Variants in EIF4EBP1 observed in about 807,000 individuals in gnomAD.
EIF4EBP1 encodes the protein eukaryotic translation initiation factor 4E binding protein 1.
A neutral mutation model predicts 9.2 loss-of-function variants in EIF4EBP1; 5 were observed. The ratio of observed to expected loss-of-function variants is 0.54; its 90% CI spans 0.28 to 1.14. The LOEUF is 1.14. EIF4EBP1 is among the 50% of genes most tolerant of loss of function. The pLI is 0.09. For missense variants in EIF4EBP1, 139 were observed against 169.6 expected (o/e 0.82, Z 1.00); for synonymous variants, 62 against 67.0 (o/e 0.93, Z 0.36).
chr8:38,034,423 A>C (rs1809272473), intron 1 of EIF4EBP1, among the ~76,000 whole-genome samples: 1 of 152,168 alleles, frequency 6.6e-6, no homozygotes, highest in Non-Finnish European at 1.5e-5. Flanking sequence ...CAGAGTACTT[A>C]AGATAATTTA....
At chr8:38,037,988 G>A (rs563087098) in intron 1 of EIF4EBP1, among the ~76,000 whole-genome samples, 87 of 150,882 alleles carry the variant, frequency 5.8e-4, no homozygotes, top group African/African-American at 2.1e-3. Context: ...TGCCCAGGCT[G>A]GTCTGGAACT....
chr8:38,056,924 A>G (rs948164169), intron 1 of EIF4EBP1, among the ~76,000 whole-genome samples, 157 bp from the exon 2 acceptor site: 4 of 152,036 alleles, frequency 2.6e-5, no homozygotes, highest in African/African-American at 7.2e-5. Flanking sequence ...TGGTCTCCCA[A>G]AGTGCTGGGA....
At chr8:38,057,389 G>A in intron 2 of EIF4EBP1, 129 bp downstream of exon 2, 1 of 1,147,820 alleles carries the variant, frequency 8.7e-7, no homozygotes, top group Non-Finnish European at 1.2e-6. Context: ...CTAAGGAGCA[G>A]CTCAGAGCCC....
intron 1 of EIF4EBP1, among the ~76,000 whole-genome samples, chr8:38,054,101 G>T (rs1423577574): frequency 6.6e-6 from 1 of 152,158 alleles, no homozygotes. Context: ...TGGCCCCTGG[G>T]CGCTTCTTTG....
At chr8:38,059,462 CTT>C (rs1049617784) in intron 2 of EIF4EBP1, among the ~76,000 whole-genome samples, 1 of 152,128 alleles carries the variant, frequency 6.6e-6, no homozygotes, top group Non-Finnish European at 1.5e-5. Flanking sequence ...AGTTAAACCT[CTT>C]TTCTTGGCTG....
chr8:38,057,009 C>A (rs1809604718), intron 1 of EIF4EBP1, 72 bp from the exon 2 acceptor site: 5 of 1,527,216 alleles, frequency 3.3e-6, no homozygotes, highest in Non-Finnish European at 4.5e-6. Context: ...TGCAGCCACG[C>A]CTTTAAAAAG....
rs140148175 is a variant in EIF4EBP1 at position 38,036,666 on chromosome 8, C to CTTTTTTTTT, written c.145+5950_145+5951insTTTTTTTTT. On this transcript the variant is annotated intron_variant, in intron 1 of 2. Transcript: ENST00000338825. Reference sequence around the variant, plus strand: ...TTAGGAAGGCACAGCAATATTGTTTCTTCTTTTTTTTTTAATTTGAAACAG... The same window carrying CTTTTTTTTT: ...TTAGGAAGGCACAGCAATATTGTTTCTTTTTTTTTTTCTTTTTTTTTTAATTTGAAACAG... Among the ~76,000 whole-genome samples, 640 of 150,984 alleles carry CTTTTTTTTT rather than the reference C, an allele frequency of 4.2e-3. 3 individuals are homozygous for CTTTTTTTTT. Among genetic ancestry groups the CTTTTTTTTT allele is most frequent in the African/African-American group, 0.015 (608 of 40,998 alleles).
intron 1 of EIF4EBP1, among the ~76,000 whole-genome samples, chr8:38,038,365 AG>A (rs1261920244): frequency 6.6e-5 from 10 of 151,246 alleles, no homozygotes; most frequent in Non-Finnish European, 1.2e-4. Flanking sequence ...AAAATTAGCC[AG>A]GTGTGGTGGC....
chr8:38,053,303 C>G (rs1031328623), intron 1 of EIF4EBP1, among the ~76,000 whole-genome samples: 9 of 152,148 alleles, frequency 5.9e-5, no homozygotes, highest in Non-Finnish European at 8.8e-5. Flanking sequence ...CAAGCATGAG[C>G]CACTGTACCT....
At chr8:38,040,514 T>C in intron 1 of EIF4EBP1, among the ~76,000 whole-genome samples, 1 of 152,220 alleles carries the variant, frequency 6.6e-6, no homozygotes, top group East Asian at 1.9e-4. Flanking sequence ...GATTTGTTAT[T>C]GTTCTCCATC....
chr8:38,043,254 G>T (rs1809407299), intron 1 of EIF4EBP1, among the ~76,000 whole-genome samples: 1 of 152,152 alleles, frequency 6.6e-6, no homozygotes, highest in Non-Finnish European at 1.5e-5. Flanking sequence ...GAAGTGTTTG[G>T]GAGGAGGTTA....
chr8:38,053,937 C>A (rs1407416487), intron 1 of EIF4EBP1, among the ~76,000 whole-genome samples: 2 of 152,114 alleles, frequency 1.3e-5, no homozygotes, highest in Non-Finnish European at 2.9e-5. Flanking sequence ...TTCAGTTTCA[C>A]ATGATGAAAA....
chr8:38,051,681 C>A (rs1216609399), intron 1 of EIF4EBP1, among the ~76,000 whole-genome samples: 2 of 152,102 alleles, frequency 1.3e-5, no homozygotes, highest in Non-Finnish European at 2.9e-5. Context: ...TCACTGCAAC[C>A]CCCGCCTCCC....
intron 1 of EIF4EBP1, among the ~76,000 whole-genome samples, chr8:38,032,145 A>C (rs1290490923): frequency 6.6e-6 from 1 of 152,124 alleles, no homozygotes; most frequent in Non-Finnish European, 1.5e-5. Flanking sequence ...GCCGGCCTGA[A>C]GGCGCAGGTA....
intron 1 of EIF4EBP1, among the ~76,000 whole-genome samples, chr8:38,033,887 C>CT (rs1809262641): frequency 2.0e-5 from 3 of 151,300 alleles, no homozygotes; most frequent in Non-Finnish European, 4.4e-5. Flanking sequence ...GCTGGGACTA[C>CT]AGGCGCCCGC....
intron 1 of EIF4EBP1, among the ~76,000 whole-genome samples, chr8:38,032,365 A>G (rs993765393): frequency 5.3e-5 from 8 of 151,890 alleles, no homozygotes; most frequent in African/African-American, 1.2e-4. Flanking sequence ...AACAAACAAA[A>G]CAACAACAAA....
At chr8:38,056,634 AG>A (rs1327560252) in intron 1 of EIF4EBP1, among the ~76,000 whole-genome samples, 62 of 148,804 alleles carry the variant, frequency 4.2e-4, no homozygotes, top group African/African-American at 1.5e-3. Flanking sequence ...GGTGGCAGCC[AG>A]GCCCCCAAAT....
intron 1 of EIF4EBP1, among the ~76,000 whole-genome samples, chr8:38,055,932 G>A (rs905207822): frequency 2.6e-5 from 4 of 152,102 alleles, no homozygotes; most frequent in African/African-American, 7.2e-5. Flanking sequence ...ACACTGGCAG[G>A]ACACACTGGG....
At chr8:38,054,533 GA>G (rs924695653) in intron 1 of EIF4EBP1, among the ~76,000 whole-genome samples, 3 of 152,168 alleles carry the variant, frequency 2.0e-5, no homozygotes, top group Non-Finnish European at 2.9e-5. Context: ...AGAAACAACA[GA>G]AAAAAAGTGG....
Sources: gnomAD v4.1 joint callset for allele counts (sites outside exome capture counted in the v4.1 genomes callset) on GRCh38, gnomAD v4.1.1 for gene constraint, MANE v1.5 for transcripts, NCBI Gene and HGNC (gene_info 2026-07-23, HGNC 2026-07-21) for gene names.